KRT85: variants seen among roughly 807,000 people sequenced by gnomAD.
The protein encoded by KRT85 is keratin 85, also known as keratin, type II cuticular Hb5.
A neutral mutation model predicts 53.7 loss-of-function variants in KRT85; 39 were observed. That is an observed-to-expected ratio of 0.73 (90% CI 0.56 to 0.95). The LOEUF is 0.95. KRT85 is among the 40% of genes least tolerant of loss of function. The pLI is 0.00. For missense variants in KRT85, 668 were observed against 686.0 expected (o/e 0.97, Z 0.29); for synonymous variants, 291 against 277.5 (o/e 1.05, Z -0.48).
intron 1 of KRT85, among the ~76,000 whole-genome samples, chr12:52,365,763 A>G (rs1939262015): frequency 6.6e-6 from 1 of 152,184 alleles, no homozygotes; most frequent in African/African-American, 2.4e-5. Flanking sequence ...CATGTTGCAC[A>G]TGGGGAAATT....
Position 52,365,118 on chromosome 12 carries a change from T to C in KRT85, c.473A>G (p.Tyr158Cys), listed in dbSNP as rs1939252963. 2 of 1,614,092 alleles carry C rather than the reference T, an allele frequency of 1.2e-6. No homozygotes were observed. Among genetic ancestry groups the C allele is most frequent in the African/African-American group, 1.3e-5 (1 of 74,936 alleles). Residue 158 changes from tyrosine to cysteine, a missense_variant, in exon 2 of 9, where the codon TAC (tyrosine) becomes TGC (cysteine). Physicochemically the swap from Tyr to Cys is radical, Grantham distance 194 (BLOSUM62 -2). Transcript: ENST00000257901. ...GCTCTCGCAGCAGCGCTGGTTCTGG[T>C]AGAACTGCCACTTGGTCTCCAGCAG... ...NKLLETKWQF[Y>C]QNQRCCESNL...
chr12:52,362,290 A>G lies in KRT85; in HGVS notation c.1259T>C (p.Ile420Thr). ...CTCCAGCAGGCGCCTGTAGGTGGCG[A>G]TCTCGATGTCCAGGCCCAGCTTGGA... ...MNSKLGLDIEIATYRRLLEGE... is the reference protein window; with the variant it reads ...MNSKLGLDIETATYRRLLEGE... Residue 420 changes from isoleucine to threonine, a missense_variant, in exon 7 of 9, where the codon ATC becomes ACC. Coordinates refer to ENST00000257901, the MANE Select transcript of KRT85 (RefSeq NM_002283.4). 1 of 1,614,022 alleles carries G rather than the reference A, an allele frequency of 6.2e-7. No individual in the cohort carries two copies. Among genetic ancestry groups the G allele is most frequent in the Non-Finnish European group, 8.5e-7 (1 of 1,179,996 alleles).
At chr12:52,364,706 G>T in intron 2 of KRT85, 1 of 1,421,384 alleles carries the variant, frequency 7.0e-7, no homozygotes, top group South Asian at 1.5e-5. Flanking sequence ...GAAGGACAGG[G>T]ACATAGAGAG....
In KRT85 at chr12:52,360,654, A is replaced by G. The variant is rs953489559; in HGVS notation, c.*199T>C. ...AATGCCTCTGAAAACAGCTGCCAGG[A>G]GGACAACTAGGATGCATCTCCCTAG... On this transcript the variant is annotated 3_prime_UTR_variant, in exon 9 of 9. Coordinates refer to ENST00000257901, the MANE Select transcript of KRT85 (RefSeq NM_002283.4). The G allele has an allele frequency of 1.1e-5, 7 of 619,428 alleles. No homozygotes were observed. Among genetic ancestry groups the G allele is most frequent in the Admixed American group, 5.5e-5 (2 of 36,126 alleles). The allele number at this position is 619,428 out of a possible 1,614,324, so 38.4% of individuals were successfully genotyped here.
At chr12:52,361,101 C>T (rs1381416665) in intron 8 of KRT85, 55 bp from the exon 9 acceptor site, 1 of 1,469,232 alleles carries the variant, frequency 6.8e-7, no homozygotes, top group Admixed American at 1.9e-5. Context: ...CTCACCCACC[C>T]TACAACAGGC....
In KRT85 at chr12:52,360,983, C is replaced by A. The variant is rs370269453; in HGVS notation, c.1394G>T (p.Arg465Leu). The change falls in exon 9 of 9, where the codon CGC (arginine) becomes CTC (leucine). Residue 465 changes from arginine to leucine, a missense_variant. This residue lies in a region of KRT85 where 488 missense variants were observed against 498.1 expected (regional missense o/e 0.98). Transcript: ENST00000257901. ...GGLSYSTTPG[R>L]QITSGPSAIG... is the part of the protein sequence containing the mutation. Reference sequence around the variant, plus strand: ...GGCTGAGGGGCCAGAAGTGATCTGGCGCCCTGGGGTGGTGCTGTAGGAGAG... The same window carrying A: ...GGCTGAGGGGCCAGAAGTGATCTGGAGCCCTGGGGTGGTGCTGTAGGAGAG... 2 of 1,613,466 alleles carry A rather than the reference C, an allele frequency of 1.2e-6. No individual in the cohort carries two copies. Among genetic ancestry groups the A allele is most frequent in the African/African-American group, 2.7e-5 (2 of 74,904 alleles).
At chr12:52,364,855 A>G (rs1456097099) in intron 2 of KRT85, 107 bp downstream of exon 2, 4 of 1,592,836 alleles carry the variant, frequency 2.5e-6, no homozygotes, top group African/African-American at 1.3e-5. Flanking sequence ...GGTTCCAGGC[A>G]GCCTGCTAGA....
chr12:52,362,972 T>C lies in KRT85; in HGVS notation c.959A>G (p.Glu320Gly), dbSNP rs1939216107. ...AESWYRSKCE[E>G]MKATVIRHGE... ...ATGCCTGATCACCGTGGCCTTCATC[T>C]CCTCACACTGGAGGAAGTAGAGATG... Residue 320 changes from glutamate to glycine, a missense_variant, in exon 6 of 9, where the codon GAG becomes GGG. Glu to Gly is a moderately conservative substitution (Grantham distance 98). This residue lies in a region of KRT85 where 488 missense variants were observed against 498.1 expected (regional missense o/e 0.98). Transcript: ENST00000257901. The C allele has an allele frequency of 6.2e-7, 1 of 1,614,058 alleles. No homozygotes were observed. The highest frequency in any genetic ancestry group is 8.5e-7 in the Non-Finnish European group (1 of 1,180,000).
At position 52,363,266 on chromosome 12, in the gene KRT85, C is replaced by T; in HGVS notation, c.931G>A (p.Glu311Lys). The T allele has an allele frequency of 1.2e-6, 2 of 1,614,220 alleles. No homozygotes were observed. The highest frequency in any genetic ancestry group is 1.7e-6 in the Non-Finnish European group (2 of 1,180,042). Residue 311 changes from glutamate to lysine, a missense_variant, in exon 5 of 9, where the codon GAG becomes AAG. Transcript: ENST00000257901. ...DVASRSRAEAESWYRSKCEEM... is the reference protein window; with the variant it reads ...DVASRSRAEAKSWYRSKCEEM... ...CTCACCTTGCTACGGTACCAGGACT[C>T]AGCCTCGGCCCGGCTGCGGCTGGCA...
At chr12:52,365,246 T>G (rs1184769503) in intron 1 of KRT85, 76 bp from the exon 2 acceptor site, 4 of 1,494,300 alleles carry the variant, frequency 2.7e-6, no homozygotes, top group Non-Finnish European at 3.7e-6. Flanking sequence ...CTCTCTGCCC[T>G]CGGGTGCTGG....
intron 1 of KRT85, among the ~76,000 whole-genome samples, chr12:52,366,741 C>T (rs1247284188): frequency 1.3e-5 from 2 of 152,188 alleles, no homozygotes; most frequent in Non-Finnish European, 2.9e-5. Context: ...TACACACACA[C>T]ACATGTACAC....
intron 2 of KRT85, 79 bp from the exon 3 acceptor site, chr12:52,364,445 G>A (rs771408118): frequency 6.3e-5 from 101 of 1,612,166 alleles, no homozygotes; most frequent in Middle Eastern, 3.3e-4. Context: ...AAGTTCTTCC[G>A]GGGATTGAAA....
At position 52,360,770 on chromosome 12, in the gene KRT85, A is replaced by G. The variant is rs1939177490; in HGVS notation, c.*83T>C. On this transcript the variant is annotated 3_prime_UTR_variant, in exon 9 of 9. Coordinates refer to ENST00000257901, the MANE Select transcript of KRT85 (RefSeq NM_002283.4). The stretch of plus-strand genomic sequence containing the variant: ...CATCCAGAAGATTCTGGAAGCAAGC[A>G]CACATTTTCCATTCACATGCCATTC... 13 of 1,419,634 alleles carry G rather than the reference A, an allele frequency of 9.2e-6. No homozygotes were observed. In the East Asian group the frequency reaches 3.0e-4, roughly 32 times the overall value. The allele number at this position is 1,419,634 out of a possible 1,614,324, so 87.9% of individuals were successfully genotyped here. A position where few individuals can be genotyped will look rare whatever the true frequency, so the allele number is the denominator to read the frequency against.
chr12:52,365,719 T>C (rs11170101), intron 1 of KRT85, among the ~76,000 whole-genome samples: 15,489 of 152,232 alleles, frequency 0.1, 1,313 homozygotes, highest in East Asian at 0.44. Context: ...CATTCAATTA[T>C]CACAGCCCTG....
intron 6 of KRT85, 121 bp downstream of exon 6, chr12:52,362,733 T>C: frequency 6.7e-7 from 1 of 1,499,934 alleles, no homozygotes; most frequent in Non-Finnish European, 9.3e-7. Context: ...CTGTGAAATA[T>C]GATAGAGCCC....
intron 8 of KRT85, 65 bp from the exon 9 acceptor site, chr12:52,361,111 C>A (rs888503990): frequency 2.1e-6 from 3 of 1,396,156 alleles, no homozygotes; most frequent in African/African-American, 1.4e-5. Flanking sequence ...CTACAACAGG[C>A]CCCAGGGCAC....
At chr12:52,363,126 T>C in intron 5 of KRT85, 120 bp downstream of exon 5, 3 of 1,552,196 alleles carry the variant, frequency 1.9e-6, no homozygotes, top group Middle Eastern at 3.4e-4. Context: ...TGAGAACTAC[T>C]GGCTTTTCTC....
rs760486834 is a variant in KRT85 at position 52,362,250 on chromosome 12, C to T, written c.1298+1G>A. On this transcript the variant is annotated splice_donor_variant, in intron 7 of 8. Coordinates refer to ENST00000257901, the MANE Select transcript of KRT85 (RefSeq NM_002283.4). LOFTEE classifies it high-confidence loss of function. ...ACCCCACAAAGTCCTCTTAGCCCCA[C>T]CTGTGTTCCTCGCCCTCCAGCAGGC... 4.3e-6 allele frequency: 7 copies of T among 1,613,932 alleles called. No individual in the cohort carries two copies. Among genetic ancestry groups the T allele is most frequent in the African/African-American group, 2.7e-5 (2 of 74,932 alleles).
At chr12:52,363,436 T>A (rs759013876) in intron 4 of KRT85, 26 bp from the exon 5 acceptor site, 4 of 1,613,978 alleles carry the variant, frequency 2.5e-6, no homozygotes, top group Non-Finnish European at 3.4e-6. Context: ...CCAGTGCATT[T>A]GCTTCTAGTG....
Sources: gnomAD v4.1 joint callset for allele counts (sites outside exome capture counted in the v4.1 genomes callset) on GRCh38, gnomAD v4.1.1 for gene constraint, gnomAD v4.1.1 regional missense constraint, MANE v1.5 for transcripts, NCBI Gene and HGNC (gene_info 2026-07-23, HGNC 2026-07-21) for gene names.